Variants in PKIB observed in about 807,000 individuals in gnomAD.
The protein encoded by PKIB is PKI-beta.
Under a neutral mutation model 4.5 loss-of-function variants are expected in PKIB, and 2 were observed. That is an observed-to-expected ratio of 0.44 (90% CI 0.18 to 1.39). PKIB has a LOEUF of 1.39. PKIB is among the 40% of genes most tolerant of loss of function. The pLI is 0.27. For synonymous variants in PKIB, 38 were observed against 36.0 expected (o/e 1.06, Z -0.20); for missense variants, 94 against 92.6 (o/e 1.02, Z -0.06).
intron 2 of PKIB, among the ~76,000 whole-genome samples, chr6:122,674,276 T>C (rs151262653): frequency 6.6e-5 from 10 of 152,258 alleles, no homozygotes; most frequent in Non-Finnish European, 1.5e-4. Flanking sequence ...GACACCTGTG[T>C]AAAGAATGGA....
intron 1 of PKIB, among the ~76,000 whole-genome samples, chr6:122,614,291 G>A (rs1774891959): frequency 6.6e-6 from 1 of 152,224 alleles, no homozygotes; most frequent in Non-Finnish European, 1.5e-5. Flanking sequence ...AGATTGGAAA[G>A]AGGGCCAAGG....
intron 2 of PKIB, among the ~76,000 whole-genome samples, chr6:122,522,191 A>G (rs1000201582): frequency 6.6e-6 from 1 of 152,228 alleles, no homozygotes; most frequent in Admixed American, 6.5e-5. Context: ...AAAATGATGT[A>G]CAAATAAGCA....
chr6:122,482,960 G>C (rs1182116229), intron 2 of PKIB: 3 of 150,910 alleles, frequency 2.0e-5, no homozygotes, highest in Admixed American at 1.3e-4. Flanking sequence ...TCACTGATTG[G>C]CTGAAAGTTA....
rs1314546987 is a variant in PKIB at position 122,717,917 on chromosome 6, A to C, written c.123A>C (p.Gly41=). 3 of 1,614,070 alleles carry C rather than the reference A, an allele frequency of 1.9e-6. No individual in the cohort carries two copies. In the East Asian group the frequency reaches 6.7e-5, roughly 36 times the overall value. The part of the protein sequence containing the change: ...PDIQSSAATD[G]TSDLPLKLEA... ...TCCAGAGTTCAGCTGCCACAGACGG[A>C]ACCTCAGATTTGCCCCTCAAACTGG... is the stretch of plus-strand genomic sequence containing the variant. The change falls in exon 4 of 5, where the codon GGA becomes GGC. Residue 41 remains glycine, a synonymous_variant. Coordinates refer to ENST00000368452, the MANE Select transcript of PKIB (RefSeq NM_181795.3).
At chr6:122,637,692 C>T (rs1443024573) in intron 2 of PKIB, among the ~76,000 whole-genome samples, 2 of 151,074 alleles carry the variant, frequency 1.3e-5, no homozygotes, top group Non-Finnish European at 2.9e-5. Flanking sequence ...GGAGACGGAG[C>T]TTGCAGTGAG....
chr6:122,686,537 A>T (rs756300494), intron 3 of PKIB, among the ~76,000 whole-genome samples: 1 of 151,822 alleles, frequency 6.6e-6, no homozygotes, highest in Non-Finnish European at 1.5e-5. Context: ...TCACTCTTTC[A>T]TCCAGGCCTG....
At chr6:122,620,195 T>C (rs998451679) in intron 1 of PKIB, among the ~76,000 whole-genome samples, 1 of 152,176 alleles carries the variant, frequency 6.6e-6, no homozygotes, top group African/African-American at 2.4e-5. Context: ...GTTTAGCACC[T>C]GAACAAACCC....
intron 2 of PKIB, among the ~76,000 whole-genome samples, chr6:122,517,875 T>G (rs926042198): frequency 6.6e-6 from 1 of 152,240 alleles, no homozygotes; most frequent in African/African-American, 2.4e-5. Context: ...AAGAATCATT[T>G]GATGAATCCG....
chr6:122,605,500 G>A (rs1774500746), upstream of PKIB, among the ~76,000 whole-genome samples: 1 of 152,076 alleles, frequency 6.6e-6, no homozygotes, highest in African/African-American at 2.4e-5. Context: ...CCTTTACAAG[G>A]TACGGCTTGA....
chr6:122,724,824 G>C lies in PKIB; in HGVS notation c.170-304G>C, dbSNP rs112465058. On this transcript the variant is annotated intron_variant, in intron 4 of 4. Transcript: ENST00000368452. ...CTCAAGTTGTGACTGTCACTCACTA[G>C]TCTCTGACTTTGGACAAGTCACTTT... 3.3e-3 allele frequency among the ~76,000 whole-genome samples: 507 copies of C among 152,236 alleles called. 1 individual carries two copies. Among genetic ancestry groups the C allele is most frequent in the African/African-American group, 0.012 (499 of 41,540 alleles).
At chr6:122,588,981 C>A (rs1169444362) in intron 3 of PKIB, among the ~76,000 whole-genome samples, 1 of 152,106 alleles carries the variant, frequency 6.6e-6, no homozygotes, top group Admixed American at 6.6e-5. Context: ...GATAGACTTC[C>A]TATAACTCTA....
chr6:122,488,124 T>A (rs1775822811), intron 2 of PKIB, among the ~76,000 whole-genome samples: 1 of 152,176 alleles, frequency 6.6e-6, no homozygotes, highest in African/African-American at 2.4e-5. Flanking sequence ...TTATTATGGC[T>A]ACCAAATTGT....
chr6:122,649,335 T>C (rs1023066298), intron 2 of PKIB, among the ~76,000 whole-genome samples: 3 of 152,332 alleles, frequency 2.0e-5, no homozygotes, highest in Middle Eastern at 3.4e-3. Context: ...GACTTCTCTT[T>C]AGCACTGTCC....
intron 3 of PKIB, among the ~76,000 whole-genome samples, chr6:122,690,915 G>GATATATATATATATATAT (rs55770226): frequency 1.2e-5 from 1 of 84,934 alleles, no homozygotes; most frequent in African/African-American, 3.6e-5. Context: ...ATGCTTGAAG[G>GATATATATATATATATAT]ATATATATAT....
At chr6:122,650,341 T>C (rs960774533) in intron 2 of PKIB, among the ~76,000 whole-genome samples, 6 of 152,142 alleles carry the variant, frequency 3.9e-5, no homozygotes, top group Non-Finnish European at 8.8e-5. Context: ...TCTAGGAATA[T>C]AGATTTGCTT....
At chr6:122,562,004 G>GTTTTTTTTTTTTTTTTTTTTTTTT (rs758656278) in intron 2 of PKIB, among the ~76,000 whole-genome samples, 9 of 79,478 alleles carry the variant, frequency 1.1e-4, no homozygotes, top group African/African-American at 2.0e-4. Flanking sequence ...GTTTTTTTTT[G>GTTTTTTTTTTTTTTTTTTTTTTTT]TTTTTTTTTT....
chr6:122,591,513 C>G (rs147272627), intron 3 of PKIB, among the ~76,000 whole-genome samples: 12 of 152,168 alleles, frequency 7.9e-5, no homozygotes, highest in African/African-American at 4.8e-5. Context: ...TATCTTTTCT[C>G]TTATCGTTTT....
chr6:122,624,734 A>C (rs1775368866), intron 1 of PKIB, among the ~76,000 whole-genome samples: 1 of 152,158 alleles, frequency 6.6e-6, no homozygotes, highest in Non-Finnish European at 1.5e-5. Context: ...AACAGAGCTG[A>C]ATTTGAATCC....
At chr6:122,617,823 T>C (rs1466472355) in intron 1 of PKIB, among the ~76,000 whole-genome samples, 1 of 152,104 alleles carries the variant, frequency 6.6e-6, no homozygotes, top group Non-Finnish European at 1.5e-5. Flanking sequence ...CATCAAGATG[T>C]TTTTTATTTT....
Sources: gnomAD v4.1 joint callset for allele counts (sites outside exome capture counted in the v4.1 genomes callset) on GRCh38, gnomAD v4.1.1 for gene constraint, MANE v1.5 for transcripts, NCBI Gene and HGNC (gene_info 2026-07-23, HGNC 2026-07-21) for gene names.